Variants in DNAAF10 observed in about 807,000 individuals in gnomAD.
DNAAF10 encodes WD repeat domain 92.
A neutral mutation model predicts 43.7 loss-of-function variants in DNAAF10; 28 were observed. The observed-to-expected ratio is 0.64, with a 90% confidence interval of 0.48 to 0.88. DNAAF10 has a LOEUF of 0.88. Ranked by LOEUF, DNAAF10 falls within the 40% of genes least tolerant of loss-of-function variation. The pLI is 0.00. For missense variants in DNAAF10, 403 were observed against 439.1 expected (o/e 0.92, Z 0.73); for synonymous variants, 156 against 157.3 (o/e 0.99, Z 0.06).
chr2:68,133,256 T>TCTCTGTCG (rs1280299229), intron 7 of DNAAF10, among the ~76,000 whole-genome samples: 22 of 152,064 alleles, frequency 1.4e-4, no homozygotes, highest in African/African-American at 5.1e-4. Context: ...ACAGAAAAAG[T>TCTCTGTCG]CTCTGTCGCT....
intron 1 of DNAAF10, among the ~76,000 whole-genome samples, chr2:68,155,855 G>A (rs371580782): frequency 2.0e-5 from 3 of 152,056 alleles, no homozygotes; most frequent in East Asian, 1.9e-4. Flanking sequence ...CCAGTATTAC[G>A]GGAGGCCGAT....
At chr2:68,137,212 G>C in intron 6 of DNAAF10, 87 bp downstream of exon 6, 1 of 1,426,876 alleles carries the variant, frequency 7.0e-7, no homozygotes, top group Non-Finnish European at 9.3e-7. Flanking sequence ...ATAAAGACCT[G>C]GAAGAAACCT....
intron 1 of DNAAF10, 88 bp from the exon 2 acceptor site, chr2:68,147,655 G>T: frequency 2.2e-6 from 2 of 910,960 alleles, no homozygotes; most frequent in South Asian, 2.1e-5. Context: ...CTCTATTATG[G>T]CATTTAAATA....
intron 3 of DNAAF10, among the ~76,000 whole-genome samples, chr2:68,143,375 G>C (rs1035532043): frequency 7.9e-5 from 12 of 152,018 alleles, no homozygotes; most frequent in Non-Finnish European, 2.9e-5. Context: ...AAGAGACAGG[G>C]TTTCGCTATG....
chr2:68,148,790 G>T (rs1316895943), intron 1 of DNAAF10, among the ~76,000 whole-genome samples: 2 of 152,092 alleles, frequency 1.3e-5, no homozygotes, highest in African/African-American at 2.4e-5. Flanking sequence ...AGTAATACCT[G>T]CTCCCTATAA....
At chr2:68,148,943 G>A (rs1572925909) in intron 1 of DNAAF10, among the ~76,000 whole-genome samples, 1 of 152,098 alleles carries the variant, frequency 6.6e-6, no homozygotes, top group Non-Finnish European at 1.5e-5. Context: ...ATGGTACACT[G>A]TCCTTTGATG....
At position 68,137,069 on chromosome 2, in the gene DNAAF10, C is replaced by T. The variant is rs530103726; in HGVS notation, c.768+230G>A. On this transcript the variant is annotated intron_variant, in intron 6 of 7. Coordinates refer to ENST00000295121, the MANE Select transcript of DNAAF10 (RefSeq NM_138458.4). ...GTTTCTTCTAATTGCTCCTAAACTA[C>T]AAAATAAGATTCCTACCTGAGATCT... Among the ~76,000 whole-genome samples, 4 of 152,266 alleles carry T rather than the reference C, an allele frequency of 2.6e-5. No homozygotes were observed. In the South Asian group the frequency reaches 8.3e-4, roughly 32 times the overall value.
At chr2:68,139,550 T>C (rs1201958098) in intron 4 of DNAAF10, among the ~76,000 whole-genome samples, 1 of 151,424 alleles carries the variant, frequency 6.6e-6, no homozygotes, top group Non-Finnish European at 1.5e-5. Flanking sequence ...GTTTATTGAA[T>C]TCAATTTAAA....
chr2:68,156,101 CAAAAAAA>C (rs10606309), intron 1 of DNAAF10, among the ~76,000 whole-genome samples: 1 of 58,584 alleles, frequency 1.7e-5, no homozygotes, highest in African/African-American at 6.7e-5. Flanking sequence ...GACCCTGTCT[CAAAAAAA>C]AAAAAAAAAA....
At chr2:68,131,772 G>A in intron 7 of DNAAF10, 1 of 220,406 alleles carries the variant, frequency 4.5e-6, no homozygotes, top group Non-Finnish European at 9.2e-6. Context: ...GGTGCTTTTG[G>A]CAATCTTTTA....
chr2:68,144,063 T>C (rs537448507), intron 3 of DNAAF10, among the ~76,000 whole-genome samples: 20 of 152,320 alleles, frequency 1.3e-4, no homozygotes, highest in Middle Eastern at 3.4e-3. Flanking sequence ...AGTCATGCAG[T>C]ACCACTTCGG....
At chr2:68,143,103 T>G (rs1673228886) in intron 3 of DNAAF10, among the ~76,000 whole-genome samples, 1 of 151,804 alleles carries the variant, frequency 6.6e-6, no homozygotes, top group Non-Finnish European at 1.5e-5. Context: ...TTTCAAGTGA[T>G]CTTCCCACCT....
Position 68,157,249 on chromosome 2 carries a change from C to A in DNAAF10, c.183+12G>T. 1 of 1,608,966 alleles carries A rather than the reference C, an allele frequency of 6.2e-7. No individual in the cohort carries two copies. The highest frequency in any genetic ancestry group is 8.5e-7 in the Non-Finnish European group (1 of 1,177,400). On this transcript the variant is annotated intron_variant, in intron 1 of 7. Coordinates refer to ENST00000295121, the MANE Select transcript of DNAAF10 (RefSeq NM_138458.4). ...CCCCAACGGCAGTCCGGATCCTCGACCCGGCACCCACCTCCCGAAGCAGCT... is the reference window on the plus strand; with the variant it reads ...CCCCAACGGCAGTCCGGATCCTCGAACCGGCACCCACCTCCCGAAGCAGCT...
intron 1 of DNAAF10, among the ~76,000 whole-genome samples, chr2:68,150,753 A>T (rs988708566): frequency 3.9e-5 from 6 of 152,120 alleles, no homozygotes; most frequent in African/African-American, 1.4e-4. Flanking sequence ...ATAAAATAAA[A>T]AAATAAAAAT....
chr2:68,133,609 C>T (rs1309542906), intron 7 of DNAAF10, among the ~76,000 whole-genome samples: 1 of 151,992 alleles, frequency 6.6e-6, no homozygotes, highest in Non-Finnish European at 1.5e-5. Context: ...AAAAATTAGC[C>T]AGGCGTCGTG....
intron 5 of DNAAF10, among the ~76,000 whole-genome samples, chr2:68,137,692 C>A (rs1673077401): frequency 6.6e-6 from 1 of 151,244 alleles, no homozygotes; most frequent in Non-Finnish European, 1.5e-5. Context: ...CATGGTGAAA[C>A]CCTGTCTCTA....
intron 6 of DNAAF10, among the ~76,000 whole-genome samples, chr2:68,135,246 CAGCAATAAGTACAT>C (rs1673012393): frequency 1.3e-5 from 2 of 152,064 alleles, no homozygotes; most frequent in South Asian, 2.1e-4. Context: ...CAGCAAAACT[CAGCAATAAGTACAT>C]AGACTGAATT....
rs1254698929 is a variant in DNAAF10, at chr2:68,137,397, T to A, written c.670A>T (p.Met224Leu). The change falls in exon 6 of 8, where the codon ATG becomes TTG. Residue 224 changes from methionine (M) to leucine (L), a missense_variant. Coordinates refer to ENST00000295121, the MANE Select transcript of DNAAF10 (RefSeq NM_138458.4). ...SLEFDRKDISMNKLVATSLEG... is the reference protein window; with the variant it reads ...SLEFDRKDISLNKLVATSLEG... ...AGAGATGTGGCTACTAACTTATTCA[T>A]ACTTATGTCTTTTCTGTCAAACTCC... 1.2e-6 allele frequency: 2 copies of A among 1,613,000 alleles called. No individual in the cohort carries two copies. Among genetic ancestry groups the A allele is most frequent in the Middle Eastern group, 1.7e-4 (1 of 6,052 alleles).
At chr2:68,156,046 G>A (rs1673595887) in intron 1 of DNAAF10, among the ~76,000 whole-genome samples, 1 of 141,474 alleles carries the variant, frequency 7.1e-6, no homozygotes, top group Non-Finnish European at 1.5e-5. Flanking sequence ...AGGTTGCAGT[G>A]AGCTGTGTTT....
Sources: gnomAD v4.1 joint callset for allele counts (sites outside exome capture counted in the v4.1 genomes callset) on GRCh38, gnomAD v4.1.1 for gene constraint, MANE v1.5 for transcripts, NCBI Gene and HGNC (gene_info 2026-07-23, HGNC 2026-07-21) for gene names.